MIAT: variants seen among roughly 807,000 people sequenced by gnomAD.
MIAT encodes the protein MI related novel mRNA.
chr22:26,652,137 G>A (rs1309577537), intron 2 of MIAT, among the ~76,000 whole-genome samples: 1 of 152,112 alleles, frequency 6.6e-6, no homozygotes, highest in Non-Finnish European at 1.5e-5. Flanking sequence ...GGGACCACAG[G>A]CACACACTAC....
chr22:26,673,964 G>A (rs1455073729), downstream of MIAT: 1 of 398,552 alleles, frequency 2.5e-6, no homozygotes, highest in African/African-American at 2.1e-5. Context: ...TATAGCTACA[G>A]TAGTTTGCAC....
intron 2 of MIAT, among the ~76,000 whole-genome samples, chr22:26,654,080 T>C (rs1930382653): frequency 6.6e-6 from 1 of 152,158 alleles, no homozygotes; most frequent in South Asian, 2.1e-4. Context: ...ATAAAATTTG[T>C]ACTGACTTAA....
chr22:26,647,660 G>T (rs1930259363), intron 2 of MIAT, among the ~76,000 whole-genome samples: 2 of 152,134 alleles, frequency 1.3e-5, no homozygotes, highest in African/African-American at 4.8e-5. Context: ...GGAAGGTAAA[G>T]GTTGCTCTCC....
downstream of MIAT, chr22:26,671,317 C>G (rs1440932493): frequency 2.5e-6 from 1 of 398,720 alleles, no homozygotes; most frequent in Admixed American, 4.4e-5. Flanking sequence ...TAGAGTTAGA[C>G]CCCCTGCCCT....
At chr22:26,661,408 G>A (rs1012330267) in intron 2 of MIAT, among the ~76,000 whole-genome samples, 3 of 152,134 alleles carry the variant, frequency 2.0e-5, no homozygotes, top group Non-Finnish European at 4.4e-5. Flanking sequence ...GGGCCCCTCT[G>A]GAAGCTACCA....
exon 1 of MIAT, chr22:26,646,545 C>G (rs1218934401): frequency 1.0e-5 from 4 of 398,632 alleles, no homozygotes; most frequent in Non-Finnish European, 1.8e-5. Flanking sequence ...GGAGAGGGCT[C>G]TATGCGGCCA....
At chr22:26,657,327 G>A in intron 2 of MIAT, 1 of 395,678 alleles carries the variant, frequency 2.5e-6, no homozygotes, top group East Asian at 3.6e-5. Flanking sequence ...GTTGCACCCC[G>A]CTTTCCTGGC....
At chr22:26,667,433 CGT>C (rs1173503890) in intron 5 of MIAT, 16 of 317,890 alleles carry the variant, frequency 5.0e-5, no homozygotes, top group South Asian at 1.8e-4. Flanking sequence ...TGTATGCGCG[CGT>C]GTGTGTGTAT....
chr22:26,676,445 C>T (rs1449748252), exon 5 of MIAT: 2 of 398,372 alleles, frequency 5.0e-6, no homozygotes, highest in Non-Finnish European at 8.8e-6. Flanking sequence ...TGTAAAATGC[C>T]ATTTTGCTAT....
downstream of MIAT, chr22:26,669,761 G>T (rs1481207902): frequency 1.8e-5 from 7 of 398,896 alleles, no homozygotes; most frequent in Admixed American, 1.3e-4. Flanking sequence ...AGAGTGGCAG[G>T]TACCATGCTG....
chr22:26,671,690 T>C (rs1187933481), downstream of MIAT: 2 of 398,622 alleles, frequency 5.0e-6, no homozygotes, highest in African/African-American at 4.1e-5. Flanking sequence ...ACTCTGCCAC[T>C]TCCTGTTGAG....
chr22:26,666,471 G>A (rs2146013531), exon 4 of MIAT: 1 of 398,656 alleles, frequency 2.5e-6, no homozygotes, highest in East Asian at 3.6e-5. Flanking sequence ...CGTGCACCTT[G>A]AGTGAATGTC....
chr22:26,652,042 G>A (rs1186957260), intron 2 of MIAT, among the ~76,000 whole-genome samples: 1 of 152,296 alleles, frequency 6.6e-6, no homozygotes. Context: ...TGCCCATGCT[G>A]GAGTGCAGTG....
intron 2 of MIAT, among the ~76,000 whole-genome samples, chr22:26,648,143 A>G (rs181220680): frequency 1.4e-3 from 211 of 152,276 alleles, no homozygotes; most frequent in African/African-American, 4.9e-3. Context: ...CAGCCTCAGC[A>G]GAAGCAGTAG....
exon 4 of MIAT, chr22:26,666,198 G>T (rs1168613855): frequency 1.5e-5 from 6 of 398,512 alleles, no homozygotes; most frequent in Non-Finnish European, 2.2e-5. Flanking sequence ...AGTTGATGAA[G>T]ACAGCACAGT....
At chr22:26,673,510 C>A (rs998058234), downstream of MIAT, 6 of 398,680 alleles carry the variant, frequency 1.5e-5, no homozygotes, top group Admixed American at 2.2e-4. Context: ...CCTTGACTAA[C>A]TCCTGCCTTC....
chr22:26,672,821 A>G (rs977876212), downstream of MIAT: 7 of 398,494 alleles, frequency 1.8e-5, no homozygotes, highest in African/African-American at 1.2e-4. Context: ...TGAGTGGAGT[A>G]TTTAGTACAC....
chr22:26,659,443 C>G (rs910647083), intron 2 of MIAT, among the ~76,000 whole-genome samples: 1 of 152,172 alleles, frequency 6.6e-6, no homozygotes, highest in Non-Finnish European at 1.5e-5. Context: ...TAACCCTACT[C>G]CTTAACAGGG....
downstream of MIAT, chr22:26,674,377 A>G: frequency 2.5e-6 from 1 of 398,982 alleles, no homozygotes; most frequent in Non-Finnish European, 4.4e-6. Flanking sequence ...AGGTGGCACT[A>G]GTTCAAGGTT....
Sources: allele counts gnomAD v4.1 joint callset (sites outside exome capture counted in the v4.1 genomes callset), GRCh38; gene constraint gnomAD v4.1.1; transcripts MANE v1.5; gene names NCBI Gene and HGNC (gene_info 2026-07-23, HGNC 2026-07-21).